FRMD4B: variants seen among roughly 807,000 people sequenced by gnomAD.
FRMD4B encodes the protein FERM domain-containing protein 4B.
FRMD4B carries 74 observed loss-of-function variants against 141.5 expected under a neutral mutation model. That is an observed-to-expected ratio of 0.52 (90% CI 0.43 to 0.63). FRMD4B has a LOEUF of 0.63. FRMD4B is among the 30% of genes least tolerant of loss of function. The pLI is 0.00. For synonymous variants in FRMD4B, 506 were observed against 467.9 expected (o/e 1.08, Z -1.05); for missense variants, 1,366 against 1,253.4 (o/e 1.09, Z -1.36).
intron 5 of FRMD4B, among the ~76,000 whole-genome samples, chr3:69,286,996 G>T (rs1259219543): frequency 1.3e-5 from 2 of 152,044 alleles, no homozygotes; most frequent in Non-Finnish European, 2.9e-5. Context: ...GTAGAGATGG[G>T]GTTTCACTGT....
At chr3:69,206,219 A>G (rs1046636323) in intron 11 of FRMD4B, among the ~76,000 whole-genome samples, 2 of 152,038 alleles carry the variant, frequency 1.3e-5, no homozygotes, top group Non-Finnish European at 2.9e-5. Context: ...GCGTGGTGAC[A>G]TGCACCTGTA....
At chr3:69,372,525 C>T (rs900059892) in intron 1 of FRMD4B, among the ~76,000 whole-genome samples, 4 of 152,054 alleles carry the variant, frequency 2.6e-5, no homozygotes, top group African/African-American at 9.7e-5. Context: ...ATTAGCTGGG[C>T]GTGGTGGCAC....
At chr3:69,300,097 C>T (rs574145427) in intron 4 of FRMD4B, among the ~76,000 whole-genome samples, 3 of 152,062 alleles carry the variant, frequency 2.0e-5, no homozygotes, top group Non-Finnish European at 4.4e-5. Context: ...GGCTAGAGAC[C>T]CTCTGAGGAG....
At chr3:69,355,187 A>G (rs968054923) in intron 1 of FRMD4B, among the ~76,000 whole-genome samples, 5 of 152,226 alleles carry the variant, frequency 3.3e-5, no homozygotes, top group African/African-American at 1.2e-4. Flanking sequence ...CAGCACACAC[A>G]TGCACATGAA....
chr3:69,248,098 G>A (rs997544400), intron 7 of FRMD4B, among the ~76,000 whole-genome samples: 1 of 151,990 alleles, frequency 6.6e-6, no homozygotes, highest in East Asian at 1.9e-4. Flanking sequence ...GGCCTCAGGC[G>A]TGAGCCTTTA....
At chr3:69,213,944 C>T (rs1228988921) in intron 11 of FRMD4B, among the ~76,000 whole-genome samples, 1 of 151,950 alleles carries the variant, frequency 6.6e-6, no homozygotes, top group Non-Finnish European at 1.5e-5. Flanking sequence ...TCCAAAAGCA[C>T]TGGGATTACA....
chr3:69,503,470 G>C (rs905623595), intron 1 of FRMD4B, among the ~76,000 whole-genome samples: 2 of 142,924 alleles, frequency 1.4e-5, no homozygotes, highest in Admixed American at 7.5e-5. Context: ...TCACTGATAG[G>C]AGGGAACTGA....
At position 69,525,265 on chromosome 3, in the gene FRMD4B, C is replaced by CATCT. The variant is rs35781905; in HGVS notation, c.-129+16940_-129+16941insAGAT. On this transcript the variant is annotated intron_variant, in intron 1 of 5. Transcript: ENST00000459638. ...GCTCACAGTCTTTTTTCAGACTCCC[C>CATCT]TTTCTCAGAGCACACAGGATGGGTA... 8.5e-3 allele frequency among the ~76,000 whole-genome samples: 1,295 copies of CATCT among 152,336 alleles called. 21 individuals carry two copies. Among genetic ancestry groups the CATCT allele is most frequent in the African/African-American group, 0.029 (1,193 of 41,572 alleles).
intron 1 of FRMD4B, among the ~76,000 whole-genome samples, chr3:69,473,905 T>G (rs1229453743): frequency 6.6e-6 from 1 of 152,162 alleles, no homozygotes; most frequent in Non-Finnish European, 1.5e-5. Flanking sequence ...GTTATTGATC[T>G]TTCAAGGGTT....
intron 1 of FRMD4B, among the ~76,000 whole-genome samples, chr3:69,462,171 G>T (rs935559257): frequency 6.6e-6 from 1 of 152,104 alleles, no homozygotes; most frequent in African/African-American, 2.4e-5. Context: ...CCAAAACATG[G>T]TGTCTTCGTG....
intron 5 of FRMD4B, among the ~76,000 whole-genome samples, chr3:69,262,244 G>A (rs1314235163): frequency 1.3e-5 from 2 of 152,106 alleles, no homozygotes; most frequent in Non-Finnish European, 2.9e-5. Flanking sequence ...TAGGATTACA[G>A]GCACGAACCA....
At chr3:69,368,117 T>A (rs932045014) in intron 1 of FRMD4B, among the ~76,000 whole-genome samples, 1 of 152,222 alleles carries the variant, frequency 6.6e-6, no homozygotes, top group Admixed American at 6.5e-5. Flanking sequence ...GTTCTTTTCA[T>A]GTTCTAGGCA....
At chr3:69,377,690 T>A (rs1260440441) in intron 1 of FRMD4B, among the ~76,000 whole-genome samples, 1 of 152,286 alleles carries the variant, frequency 6.6e-6, no homozygotes, top group East Asian at 1.9e-4. Flanking sequence ...GGAGAAGACC[T>A]ACCCCTCTCG....
chr3:69,541,987 G>C lies in FRMD4B; in HGVS notation c.-129+219C>G, dbSNP rs1701192698. 4.6e-5 allele frequency among the ~76,000 whole-genome samples: 7 copies of C among 151,974 alleles called. 1 individual carries two copies. The South Asian group carries it at 1.5e-3, about 32-fold the overall frequency. ...TCCATACCACCAAAGCGACCAAAGC[G>C]CCGTGCCAAGTGCCCCAGGGACTCC... is the stretch of plus-strand genomic sequence containing the variant. On this transcript the variant is annotated intron_variant, in intron 1 of 5. Coordinates refer to the FRMD4B transcript ENST00000459638.
At chr3:69,415,962 T>G (rs1244194087) in intron 2 of FRMD4B, among the ~76,000 whole-genome samples, 1 of 152,192 alleles carries the variant, frequency 6.6e-6, no homozygotes, top group Non-Finnish European at 1.5e-5. Context: ...AATTAATCAT[T>G]TATTCAAGAT....
chr3:69,297,751 A>G (rs537121894), intron 4 of FRMD4B, among the ~76,000 whole-genome samples: 1 of 152,322 alleles, frequency 6.6e-6, no homozygotes, highest in South Asian at 2.1e-4. Context: ...TGGCAGCCAG[A>G]TAACAACCCC....
At chr3:69,176,316 A>G (rs1320822788) in intron 22 of FRMD4B, among the ~76,000 whole-genome samples, 1 of 152,228 alleles carries the variant, frequency 6.6e-6, no homozygotes, top group Non-Finnish European at 1.5e-5. Flanking sequence ...CTCATAGTGC[A>G]AAAACAGCCA....
At chr3:69,410,726 AATATATATATATATATATATAT>A (rs767608068) in intron 2 of FRMD4B, among the ~76,000 whole-genome samples, 3,152 of 86,258 alleles carry the variant, frequency 0.037, 170 homozygotes, top group African/African-American at 0.11. Flanking sequence ...TAAATAAATA[AATATATATATATATATATATAT>A]ATATATATAT....
At chr3:69,270,862 C>A (rs955727326) in intron 5 of FRMD4B, among the ~76,000 whole-genome samples, 32 of 152,026 alleles carry the variant, frequency 2.1e-4, no homozygotes, top group African/African-American at 7.5e-4. Flanking sequence ...CCGTGCCCAG[C>A]CCCAACCAAG....
Sources: gnomAD v4.1 joint callset for allele counts (sites outside exome capture counted in the v4.1 genomes callset) on GRCh38, gnomAD v4.1.1 for gene constraint, MANE v1.5 for transcripts, NCBI Gene and HGNC (gene_info 2026-07-23, HGNC 2026-07-21) for gene names.